Variants in ANKS1B observed in about 807,000 individuals in gnomAD.
ANKS1B encodes the protein ankyrin repeat and sterile alpha motif domain containing 1B.
A neutral mutation model predicts 148.3 loss-of-function variants in ANKS1B; 36 were observed. The observed-to-expected ratio is 0.24, with a 90% CI of 0.19 to 0.32. The LOEUF (loss-of-function observed/expected upper bound fraction) is 0.32. ANKS1B is among the 10% of genes least tolerant of loss of function. The pLI is 1.00. For missense variants in ANKS1B, 1,157 were observed against 1,542.6 expected (o/e 0.75, Z 4.19); for synonymous variants, 542 against 560.8 (o/e 0.97, Z 0.47).
At chr12:98,900,108 T>C (rs1318698166) in intron 17 of ANKS1B, among the ~76,000 whole-genome samples, 1 of 152,228 alleles carries the variant, frequency 6.6e-6, no homozygotes, top group Non-Finnish European at 1.5e-5. Flanking sequence ...AGGCAGTTAC[T>C]GTTTTCTCAA....
intron 12 of ANKS1B, among the ~76,000 whole-genome samples, chr12:99,353,290 T>G (rs2152395397): frequency 6.6e-6 from 1 of 152,192 alleles, no homozygotes; most frequent in Admixed American, 6.6e-5. Context: ...AAAACTGAGA[T>G]AATACCAATC....
At chr12:99,522,346 T>C (rs1420690620) in intron 9 of ANKS1B, among the ~76,000 whole-genome samples, 1 of 152,196 alleles carries the variant, frequency 6.6e-6, no homozygotes, top group Non-Finnish European at 1.5e-5. Context: ...TTGCCTTACT[T>C]AGATTCCTTT....
At chr12:99,847,226 C>T (rs938537246) in intron 1 of ANKS1B, among the ~76,000 whole-genome samples, 10 of 152,026 alleles carry the variant, frequency 6.6e-5, no homozygotes, top group Non-Finnish European at 1.5e-5. Flanking sequence ...CCACCTCATC[C>T]TCCTGAGTAG....
intron 3 of ANKS1B, 96 bp from the exon 4 acceptor site, chr12:99,806,796 G>T: frequency 8.8e-7 from 1 of 1,133,154 alleles, no homozygotes; most frequent in Non-Finnish European, 1.2e-6. Context: ...GCTTTGAAAT[G>T]TAAGTTAAGA....
At chr12:98,760,213 C>A (rs909793670) in intron 25 of ANKS1B, among the ~76,000 whole-genome samples, 22 of 151,150 alleles carry the variant, frequency 1.5e-4, no homozygotes, top group Non-Finnish European at 3.1e-4. Context: ...ATAATCTTTC[C>A]ATTTTGATAA....
intron 9 of ANKS1B, among the ~76,000 whole-genome samples, chr12:99,591,572 C>T (rs1184745697): frequency 6.6e-6 from 1 of 151,884 alleles, no homozygotes; most frequent in Non-Finnish European, 1.5e-5. Flanking sequence ...CAGTAAATAC[C>T]ATAGTGTGGA....
At chr12:99,235,481 C>T (rs2087728868) in intron 14 of ANKS1B, among the ~76,000 whole-genome samples, 2 of 152,134 alleles carry the variant, frequency 1.3e-5, no homozygotes, top group South Asian at 4.1e-4. Flanking sequence ...CTTACCTTCA[C>T]ATCAATCAAA....
chr12:99,967,360 A>C (rs1479438018), intron 1 of ANKS1B, among the ~76,000 whole-genome samples: 4 of 152,146 alleles, frequency 2.6e-5, no homozygotes, highest in African/African-American at 9.7e-5. Flanking sequence ...GCATAGCGCC[A>C]AATGTCCTTT....
At chr12:99,437,276 C>A (rs551153580) in intron 11 of ANKS1B, among the ~76,000 whole-genome samples, 1 of 152,018 alleles carries the variant, frequency 6.6e-6, no homozygotes, top group East Asian at 1.9e-4. Flanking sequence ...GAGAGCTCTG[C>A]CATCTGACCT....
intron 16 of ANKS1B, among the ~76,000 whole-genome samples, chr12:99,062,859 C>T (rs1446520090): frequency 6.6e-6 from 1 of 152,100 alleles, no homozygotes; most frequent in East Asian, 1.9e-4. Flanking sequence ...ACACTTTGCC[C>T]TCCTTTCTTG....
intron 14 of ANKS1B, among the ~76,000 whole-genome samples, chr12:99,235,506 C>A (rs1461569076): frequency 6.6e-6 from 1 of 152,120 alleles, no homozygotes; most frequent in East Asian, 1.9e-4. Flanking sequence ...TGTATTCTTA[C>A]AATATCCCTG....
At chr12:98,863,616 T>A (rs2099610483) in intron 17 of ANKS1B, among the ~76,000 whole-genome samples, 1 of 152,238 alleles carries the variant, frequency 6.6e-6, no homozygotes, top group Admixed American at 6.5e-5. Flanking sequence ...GGTATTCTTA[T>A]ATATAAAGAG....
At chr12:99,184,822 C>A (rs1259056025) in intron 14 of ANKS1B, among the ~76,000 whole-genome samples, 1 of 152,154 alleles carries the variant, frequency 6.6e-6, no homozygotes, top group Non-Finnish European at 1.5e-5. Flanking sequence ...TACTTAGTCA[C>A]CCTGAGCCTC....
chr12:99,497,831 T>TTC (rs140728461), intron 10 of ANKS1B, among the ~76,000 whole-genome samples: 4 of 149,048 alleles, frequency 2.7e-5, no homozygotes, highest in African/African-American at 4.9e-5. Context: ...GTCTTTCTCT[T>TTC]TCTCTCTCTC....
intron 12 of ANKS1B, among the ~76,000 whole-genome samples, chr12:99,340,769 A>G (rs2089779406): frequency 6.6e-6 from 1 of 152,110 alleles, no homozygotes; most frequent in Admixed American, 6.6e-5. Context: ...TTTTAAAAAA[A>G]ATGCAAAGCA....
intron 12 of ANKS1B, among the ~76,000 whole-genome samples, chr12:99,315,064 G>C (rs2083797623): frequency 6.6e-6 from 1 of 151,758 alleles, no homozygotes; most frequent in Non-Finnish European, 1.5e-5. Context: ...CCAACATGGT[G>C]AAACCCCCTC....
intron 17 of ANKS1B, among the ~76,000 whole-genome samples, chr12:98,997,642 C>T (rs946507311): frequency 3.3e-5 from 5 of 151,996 alleles, no homozygotes; most frequent in African/African-American, 4.8e-5. Context: ...CTGCCTGCCT[C>T]GGCCTCTCAA....
rs368054061 is a variant in ANKS1B at position 99,399,831 on chromosome 12, C to T, written c.1576-20G>A. 1.9e-5 allele frequency: 31 copies of T among 1,611,588 alleles called. No homozygotes were observed. The highest frequency in any genetic ancestry group is 8.0e-5 in the African/African-American group (6 of 74,944). ...TTTAGGCTAAAATAAATGAGCATGA[C>T]GAGAGTATTAATATGATCATGTTCA... is the stretch of plus-strand genomic sequence containing the variant. On this transcript the variant is annotated intron_variant, in intron 11 of 26. Transcript: ENST00000683438.
At chr12:99,697,666 A>G (rs1279786825) in intron 8 of ANKS1B, among the ~76,000 whole-genome samples, 3 of 152,180 alleles carry the variant, frequency 2.0e-5, no homozygotes, top group Non-Finnish European at 4.4e-5. Context: ...CTGTGGCTAC[A>G]TGACATTATG....
Sources: allele counts gnomAD v4.1 joint callset (sites outside exome capture counted in the v4.1 genomes callset), GRCh38; gene constraint gnomAD v4.1.1; transcripts MANE v1.5; gene names NCBI Gene and HGNC (gene_info 2026-07-23, HGNC 2026-07-21).